The following KLHL1 variants were observed in gnomAD, a reference collection of about 807,000 sequenced individuals.
KLHL1 encodes kelch like family member 1.
A neutral mutation model predicts 77.7 loss-of-function variants in KLHL1; 47 were observed. The observed-to-expected ratio is 0.60, with a 90% CI of 0.48 to 0.77. The LOEUF (loss-of-function observed/expected upper bound fraction) is 0.77, where lower values mean the gene tolerates loss of function less well. Among genes scored for constraint, KLHL1 ranks in the 30% least tolerant of loss-of-function variants. The probability of loss-of-function intolerance (pLI) is 0.00; values close to 1 mark genes in which losing one functional copy is unlikely to be tolerated. For synonymous variants in KLHL1, 360 were observed against 325.2 expected, an observed-to-expected ratio of 1.11 and a Z score of -1.15; for missense variants, 925 against 910.8, an observed-to-expected ratio of 1.02 and a Z score of -0.20.
At chr13:69,855,255 G>A (rs1475437130) in intron 5 of KLHL1, among the ~76,000 whole-genome samples, 2 of 151,758 alleles carry the variant, frequency 1.3e-5, no homozygotes, top group African/African-American at 4.8e-5. Flanking sequence ...CAGAACGGCT[G>A]CTGGACTAAG....
intron 7 of KLHL1, among the ~76,000 whole-genome samples, chr13:69,744,573 T>C (rs1179107164): frequency 6.6e-6 from 1 of 151,298 alleles, no homozygotes; most frequent in Non-Finnish European, 1.5e-5. Context: ...AGTGTTCAGT[T>C]TGATGGTATT....
chr13:69,979,463 A>G (rs566349262), intron 1 of KLHL1, among the ~76,000 whole-genome samples: 97 of 152,128 alleles, frequency 6.4e-4, no homozygotes, highest in Non-Finnish European at 9.0e-4. Context: ...AATATTTATT[A>G]TTTAACCTTC....
At chr13:69,737,816 C>A (rs1873824968) in intron 8 of KLHL1, among the ~76,000 whole-genome samples, 1 of 152,158 alleles carries the variant, frequency 6.6e-6, no homozygotes, top group African/African-American at 2.4e-5. Flanking sequence ...TGGCTGCTGG[C>A]TCTGGAGAGT....
At chr13:70,041,935 T>A (rs910192922) in intron 1 of KLHL1, among the ~76,000 whole-genome samples, 4 of 152,142 alleles carry the variant, frequency 2.6e-5, no homozygotes, top group Admixed American at 6.5e-5. Context: ...GGGCTGCAGG[T>A]TTTTTGTTGT....
At chr13:69,909,065 A>G (rs891863367) in intron 4 of KLHL1, among the ~76,000 whole-genome samples, 1 of 149,710 alleles carries the variant, frequency 6.7e-6, no homozygotes, top group Admixed American at 6.7e-5. Context: ...TTTAGTATAC[A>G]TGTATATAGT....
At chr13:69,815,480 G>A (rs192777627) in intron 6 of KLHL1, among the ~76,000 whole-genome samples, 4 of 152,090 alleles carry the variant, frequency 2.6e-5, no homozygotes, top group African/African-American at 4.8e-5. Flanking sequence ...ACATGTTCTC[G>A]CTTATATGTG....
chr13:70,081,599 C>T (rs1274131247), intron 1 of KLHL1, among the ~76,000 whole-genome samples: 1 of 152,128 alleles, frequency 6.6e-6, no homozygotes, highest in African/African-American at 2.4e-5. Context: ...AACTTGGCAG[C>T]TCATTTCTTC....
At chr13:69,885,887 TA>T in intron 4 of KLHL1, among the ~76,000 whole-genome samples, 1 of 152,282 alleles carries the variant, frequency 6.6e-6, no homozygotes, top group African/African-American at 2.4e-5. Flanking sequence ...CAAGTGGACC[TA>T]AAATATTAGA....
chr13:69,774,057 CT>C (rs1388047174), intron 7 of KLHL1, among the ~76,000 whole-genome samples: 2 of 151,798 alleles, frequency 1.3e-5, no homozygotes, highest in Non-Finnish European at 2.9e-5. Flanking sequence ...GTTGACCTTT[CT>C]TAAAAAGTTT....
chr13:69,855,353 CAGAT>C (rs1410660833), intron 5 of KLHL1, among the ~76,000 whole-genome samples: 63 of 104,524 alleles, frequency 6.0e-4, no homozygotes, highest in African/African-American at 1.8e-3. Flanking sequence ...GATAGACAGA[CAGAT>C]AGATACATAG....
At chr13:70,024,658 C>G (rs937272806) in intron 1 of KLHL1, among the ~76,000 whole-genome samples, 2 of 142,278 alleles carry the variant, frequency 1.4e-5, no homozygotes, top group Non-Finnish European at 3.1e-5. Flanking sequence ...CTCTCTCTCT[C>G]TCGCTCTGGC....
chr13:69,812,017 C>T (rs1877903095), intron 6 of KLHL1, among the ~76,000 whole-genome samples: 1 of 151,996 alleles, frequency 6.6e-6, no homozygotes, highest in African/African-American at 2.4e-5. Context: ...TTAGATCTTT[C>T]CTGCTTTCTC....
At chr13:69,941,222 T>C (rs2138302959) in intron 3 of KLHL1, among the ~76,000 whole-genome samples, 1 of 151,980 alleles carries the variant, frequency 6.6e-6, no homozygotes, top group Non-Finnish European at 1.5e-5. Context: ...CTCAATCAAT[T>C]TAAGAAAATC....
intron 1 of KLHL1, among the ~76,000 whole-genome samples, chr13:70,055,684 T>C (rs1011310974): frequency 6.6e-6 from 1 of 152,068 alleles, no homozygotes; most frequent in Non-Finnish European, 1.5e-5. Context: ...GTAGTGAAAG[T>C]GTAGAGTTTT....
intron 5 of KLHL1, among the ~76,000 whole-genome samples, chr13:69,874,759 C>T (rs1880705362): frequency 6.6e-6 from 1 of 152,048 alleles, no homozygotes; most frequent in Admixed American, 6.6e-5. Flanking sequence ...ATAACCCTGA[C>T]TTCCTCAAGA....
intron 7 of KLHL1, among the ~76,000 whole-genome samples, chr13:69,786,403 A>C (rs952062094): frequency 6.6e-6 from 1 of 152,204 alleles, no homozygotes; most frequent in South Asian, 2.1e-4. Context: ...CAAAGACAAA[A>C]ACCCCATGAT....
intron 4 of KLHL1, among the ~76,000 whole-genome samples, chr13:69,934,841 C>T (rs910357144): frequency 6.6e-6 from 1 of 151,450 alleles, no homozygotes; most frequent in Non-Finnish European, 1.5e-5. Context: ...CTAATTCTAC[C>T]TCATTTTTTA....
intron 1 of KLHL1, among the ~76,000 whole-genome samples, chr13:70,048,223 A>G (rs1034200214): frequency 6.6e-6 from 1 of 152,186 alleles, no homozygotes; most frequent in African/African-American, 2.4e-5. Flanking sequence ...GGGAACTTTG[A>G]AAATCCTGAA....
chr13:70,006,843 AAAG>A (rs1159450292), intron 1 of KLHL1, among the ~76,000 whole-genome samples: 1 of 152,072 alleles, frequency 6.6e-6, no homozygotes, highest in African/African-American at 2.4e-5. Flanking sequence ...AATTAATTGC[AAAG>A]AATATATGTT....
Sources: gnomAD v4.1 joint callset for allele counts (sites outside exome capture counted in the v4.1 genomes callset) on GRCh38, gnomAD v4.1.1 for gene constraint, MANE v1.5 for transcripts, NCBI Gene and HGNC (gene_info 2026-07-23, HGNC 2026-07-21) for gene names.